Variants in CNTNAP2 observed in about 807,000 individuals in gnomAD.
CNTNAP2 encodes the protein contactin-associated protein-like 2.
Under a neutral mutation model 155.2 loss-of-function variants are expected in CNTNAP2, and 98 were observed. The ratio of observed to expected loss-of-function variants is 0.63; its 90% CI spans 0.54 to 0.75. CNTNAP2 has a LOEUF of 0.75. Ranked by LOEUF, CNTNAP2 falls within the 30% of genes least tolerant of loss-of-function variation. The pLI, the probability that CNTNAP2 is intolerant of heterozygous loss-of-function variation, is 0.00. For synonymous variants in CNTNAP2, 651 were observed against 631.2 expected (o/e 1.03, Z -0.47); for missense variants, 1,727 against 1,688.1 (o/e 1.02, Z -0.40).
chr7:146,858,756 G>A (rs1340209178), intron 3 of CNTNAP2, among the ~76,000 whole-genome samples: 1 of 152,162 alleles, frequency 6.6e-6, no homozygotes, highest in East Asian at 1.9e-4. Flanking sequence ...ATCAGTTGCT[G>A]AAAGGTAGTC....
At chr7:146,131,916 C>T (rs573154551) in intron 1 of CNTNAP2, among the ~76,000 whole-genome samples, 2 of 152,068 alleles carry the variant, frequency 1.3e-5, no homozygotes, top group East Asian at 1.9e-4. Context: ...TTCCTGTGCT[C>T]GAATTTACTC....
At chr7:148,308,618 C>T (rs916717967) in intron 21 of CNTNAP2, among the ~76,000 whole-genome samples, 12 of 151,336 alleles carry the variant, frequency 7.9e-5, no homozygotes, top group East Asian at 1.9e-4. Flanking sequence ...GGTACATGTA[C>T]GGAACGTGCA....
chr7:146,536,596 C>CT (rs1032273572), intron 1 of CNTNAP2, among the ~76,000 whole-genome samples: 1 of 149,798 alleles, frequency 6.7e-6, no homozygotes, highest in African/African-American at 2.5e-5. Context: ...ATGTTCCCCC[C>CT]CCACCACCAT....
intron 8 of CNTNAP2, among the ~76,000 whole-genome samples, chr7:147,158,647 A>G (rs372663497): frequency 1.1e-4 from 16 of 152,200 alleles, no homozygotes; most frequent in Non-Finnish European, 1.5e-5. Context: ...TTTGTGTCTC[A>G]GAGTGATTTT....
chr7:147,937,905 G>C (rs1389012472), intron 14 of CNTNAP2, among the ~76,000 whole-genome samples: 1 of 152,082 alleles, frequency 6.6e-6, no homozygotes, highest in Non-Finnish European at 1.5e-5. Context: ...TGATGACGAT[G>C]ATAATAGTAG....
intron 2 of CNTNAP2, among the ~76,000 whole-genome samples, chr7:146,834,555 A>G (rs1452969792): frequency 1.3e-5 from 2 of 152,150 alleles, no homozygotes; most frequent in Non-Finnish European, 2.9e-5. Context: ...GAAGAGAGAG[A>G]AGGGGAATGA....
At chr7:148,036,573 A>T (rs888059292) in intron 15 of CNTNAP2, among the ~76,000 whole-genome samples, 1 of 152,024 alleles carries the variant, frequency 6.6e-6, no homozygotes, top group Admixed American at 6.6e-5. Context: ...GGATGCCTTG[A>T]TCTTGGATGT....
intron 13 of CNTNAP2, among the ~76,000 whole-genome samples, chr7:147,818,960 A>T (rs1798318831): frequency 6.6e-6 from 1 of 152,132 alleles, no homozygotes; most frequent in Non-Finnish European, 1.5e-5. Context: ...GTCAAGCAGA[A>T]CTTCTATTTT....
At chr7:146,483,297 A>G (rs1220939403) in intron 1 of CNTNAP2, among the ~76,000 whole-genome samples, 4 of 65,764 alleles carry the variant, frequency 6.1e-5, no homozygotes, top group South Asian at 4.0e-4. Flanking sequence ...ATATATATAT[A>G]TATATATATA....
chr7:148,101,452 T>G (rs1804098874), intron 15 of CNTNAP2, among the ~76,000 whole-genome samples: 1 of 151,716 alleles, frequency 6.6e-6, no homozygotes, highest in South Asian at 2.1e-4. Flanking sequence ...GATTGAAATC[T>G]GCAATAAAGC....
chr7:146,331,053 C>T (rs375124839), intron 1 of CNTNAP2, among the ~76,000 whole-genome samples: 2 of 152,050 alleles, frequency 1.3e-5, no homozygotes, highest in South Asian at 2.1e-4. Context: ...GCCTGTAATC[C>T]CAGCACTTTG....
At chr7:147,834,873 A>T (rs536839827) in intron 13 of CNTNAP2, among the ~76,000 whole-genome samples, 2 of 152,308 alleles carry the variant, frequency 1.3e-5, no homozygotes, top group East Asian at 3.9e-4. Flanking sequence ...AATAACAAAC[A>T]TTCAGTTCAG....
At chr7:147,390,500 G>A (rs1417228882) in intron 9 of CNTNAP2, among the ~76,000 whole-genome samples, 2 of 152,082 alleles carry the variant, frequency 1.3e-5, no homozygotes, top group Non-Finnish European at 2.9e-5. Flanking sequence ...ATCAGCTGAT[G>A]ACTTGACTAG....
intron 1 of CNTNAP2, among the ~76,000 whole-genome samples, chr7:146,414,272 T>G (rs1795906678): frequency 6.6e-6 from 1 of 152,208 alleles, no homozygotes; most frequent in Non-Finnish European, 1.5e-5. Flanking sequence ...AAGGGTGGTG[T>G]CAACTCTGCG....
chr7:146,474,547 T>C (rs931165429), intron 1 of CNTNAP2, among the ~76,000 whole-genome samples: 1 of 151,968 alleles, frequency 6.6e-6, no homozygotes, highest in African/African-American at 2.4e-5. Context: ...TCTATGCTGT[T>C]ATATTTCCTG....
chr7:146,926,636 G>C (rs1203444253), intron 3 of CNTNAP2, among the ~76,000 whole-genome samples: 5 of 151,994 alleles, frequency 3.3e-5, no homozygotes, highest in African/African-American at 9.7e-5. Context: ...TGTAGCTTTT[G>C]AATGTTATCT....
intron 15 of CNTNAP2, among the ~76,000 whole-genome samples, chr7:148,010,779 C>T (rs189931254): frequency 1.7e-3 from 266 of 152,156 alleles, no homozygotes; most frequent in Middle Eastern, 3.4e-3. Flanking sequence ...ACAGTCTCCC[C>T]TACTGTCAAC....
intron 21 of CNTNAP2, among the ~76,000 whole-genome samples, chr7:148,299,407 C>T (rs1797342522): frequency 2.6e-5 from 4 of 152,226 alleles, no homozygotes; most frequent in Admixed American, 2.6e-4. Flanking sequence ...GGCATTTCGC[C>T]TGGACCAGAG....
chr7:146,273,074 G>GAGAGAA (rs113894001), intron 1 of CNTNAP2, among the ~76,000 whole-genome samples: 4 of 141,686 alleles, frequency 2.8e-5, no homozygotes, highest in Non-Finnish European at 4.4e-5. Flanking sequence ...GTGGAAGGGT[G>GAGAGAA]AGAGAAAGAG....
Sources: allele counts gnomAD v4.1 joint callset (sites outside exome capture counted in the v4.1 genomes callset), GRCh38; gene constraint gnomAD v4.1.1; transcripts MANE v1.5; gene names NCBI Gene and HGNC (gene_info 2026-07-23, HGNC 2026-07-21).